The following CNTLN variants were observed in gnomAD, a reference collection of about 807,000 sequenced individuals.
The protein encoded by CNTLN is centlein, centrosomal protein.
Under a neutral mutation model 180.0 loss-of-function variants are expected in CNTLN, and 212 were observed. The ratio of observed to expected loss-of-function variants is 1.18; its 90% CI spans 1.05 to 1.32. The LOEUF (loss-of-function observed/expected upper bound fraction) is 1.32. Among genes scored for constraint, CNTLN ranks in the 40% most tolerant of loss-of-function variants. The probability of loss-of-function intolerance (pLI) is 0.00; values close to 1 mark genes in which losing one functional copy is unlikely to be tolerated. For missense variants in CNTLN, 2,095 were observed against 1,610.9 expected (o/e 1.30, Z -5.14); for synonymous variants, 722 against 563.1 (o/e 1.28, Z -3.99).
chr9:17,445,253 T>A (rs1830337062), intron 18 of CNTLN, among the ~76,000 whole-genome samples: 1 of 152,118 alleles, frequency 6.6e-6, no homozygotes, highest in South Asian at 2.1e-4. Flanking sequence ...AAATTTGTAA[T>A]GAGTTGTAGG....
At chr9:17,458,232 A>C (rs1831252919) in intron 19 of CNTLN, among the ~76,000 whole-genome samples, 1 of 151,842 alleles carries the variant, frequency 6.6e-6, no homozygotes, top group African/African-American at 2.4e-5. Context: ...AAAAAAAAAA[A>C]AAGAATCTAA....
downstream of CNTLN, among the ~76,000 whole-genome samples, chr9:17,505,989 A>G (rs1833926971): frequency 6.6e-6 from 1 of 152,048 alleles, no homozygotes; most frequent in South Asian, 2.1e-4. Flanking sequence ...AATATGCCCA[A>G]CTGATTTGAG....
chr9:17,309,696 G>C (rs1034560115), intron 8 of CNTLN, among the ~76,000 whole-genome samples: 7 of 151,982 alleles, frequency 4.6e-5, no homozygotes, highest in African/African-American at 1.7e-4. Flanking sequence ...GACAGGTCAT[G>C]TAACCTTTCT....
At chr9:17,209,066 G>A (rs1823111371) in intron 2 of CNTLN, among the ~76,000 whole-genome samples, 1 of 151,922 alleles carries the variant, frequency 6.6e-6, no homozygotes, top group Non-Finnish European at 1.5e-5. Flanking sequence ...TTTTGATGTA[G>A]GCGCTTATAA....
chr9:17,168,603 T>A (rs1820236550), intron 2 of CNTLN: 1 of 152,212 alleles, frequency 6.6e-6, no homozygotes, highest in African/African-American at 2.4e-5. Flanking sequence ...AATTTGACAG[T>A]TGCATATAAG....
intron 25 of CNTLN, among the ~76,000 whole-genome samples, chr9:17,492,151 A>G (rs554900882): frequency 6.6e-5 from 10 of 152,234 alleles, no homozygotes; most frequent in Non-Finnish European, 1.3e-4. Context: ...TTTCAATTTA[A>G]CAAAGTAAGC....
At chr9:17,451,216 A>G (rs554884041) in intron 18 of CNTLN, among the ~76,000 whole-genome samples, 1 of 152,296 alleles carries the variant, frequency 6.6e-6, no homozygotes, top group East Asian at 1.9e-4. Context: ...TCTTGCCTGT[A>G]GAATTTACAT....
intron 2 of CNTLN, among the ~76,000 whole-genome samples, chr9:17,215,117 A>G (rs1434156854): frequency 6.6e-6 from 1 of 152,174 alleles, no homozygotes; most frequent in Admixed American, 6.5e-5. Context: ...CCTTTGGAGG[A>G]GGAGAGGAGC....
chr9:17,265,857 T>G (rs536456983), intron 5 of CNTLN, among the ~76,000 whole-genome samples: 3 of 152,188 alleles, frequency 2.0e-5, no homozygotes, highest in Non-Finnish European at 4.4e-5. Flanking sequence ...TCATGGTTGT[T>G]TGTATTTCTG....
intron 18 of CNTLN, among the ~76,000 whole-genome samples, chr9:17,425,761 G>T (rs894951509): frequency 6.6e-6 from 1 of 152,112 alleles, no homozygotes; most frequent in Non-Finnish European, 1.5e-5. Flanking sequence ...ACCTTGGATT[G>T]GCTGAATTGT....
At position 17,222,597 on chromosome 9, in the gene CNTLN, T is replaced by C. The variant is rs557030697; in HGVS notation, c.450-3606T>C. On this transcript the variant is annotated intron_variant, in intron 2 of 25. Transcript: ENST00000380647. The stretch of plus-strand genomic sequence containing the variant: ...AAGTACCTTTCACCTCCTGCCATGA[T>C]TCTGAGGCCTCCCCAGCCATGTCGA... 2.7e-3 allele frequency among the ~76,000 whole-genome samples: 404 copies of C among 152,154 alleles called. 1 individual carries two copies. The highest frequency in any genetic ancestry group is 9.1e-3 in the African/African-American group (376 of 41,542).
At chr9:17,352,879 G>A (rs551662136) in intron 12 of CNTLN, among the ~76,000 whole-genome samples, 2 of 152,300 alleles carry the variant, frequency 1.3e-5, no homozygotes, top group South Asian at 2.1e-4. Context: ...ATTGAAGCCT[G>A]TGTCAAAAGT....
chr9:17,276,172 A>C (rs1828299341), intron 6 of CNTLN, among the ~76,000 whole-genome samples: 3 of 152,148 alleles, frequency 2.0e-5, no homozygotes, highest in African/African-American at 7.2e-5. Flanking sequence ...ACAGAGGAGA[A>C]GAATAATAGC....
At chr9:17,170,811 A>T (rs1204829644) in intron 2 of CNTLN, among the ~76,000 whole-genome samples, 4 of 152,008 alleles carry the variant, frequency 2.6e-5, no homozygotes, top group African/African-American at 9.7e-5. Flanking sequence ...ATGATGGACT[A>T]TATATCTGAT....
At chr9:17,257,746 C>T (rs1314432654) in intron 5 of CNTLN, among the ~76,000 whole-genome samples, 11 of 151,316 alleles carry the variant, frequency 7.3e-5, no homozygotes, top group Admixed American at 7.2e-4. Context: ...AGCATTTTTT[C>T]ATGTGTTTCT....
intron 2 of CNTLN, among the ~76,000 whole-genome samples, chr9:17,155,172 C>G (rs1732095708): frequency 6.6e-6 from 1 of 152,220 alleles, no homozygotes; most frequent in African/African-American, 2.4e-5. Context: ...GGAACAAACT[C>G]TGGACACACC....
chr9:17,432,002 G>A (rs141407343), intron 18 of CNTLN, among the ~76,000 whole-genome samples: 4 of 152,082 alleles, frequency 2.6e-5, no homozygotes, highest in Non-Finnish European at 5.9e-5. Flanking sequence ...TAGTAGAATT[G>A]CTGCCTTTTT....
chr9:17,290,625 GT>G (rs1220913744), intron 6 of CNTLN, among the ~76,000 whole-genome samples: 1 of 146,844 alleles, frequency 6.8e-6, no homozygotes, highest in East Asian at 2.0e-4. Flanking sequence ...CCGCCTTGCA[GT>G]TTGATCTCAG....
At chr9:17,494,682 A>G (rs955577328) in intron 25 of CNTLN, among the ~76,000 whole-genome samples, 3 of 152,070 alleles carry the variant, frequency 2.0e-5, no homozygotes, top group Non-Finnish European at 4.4e-5. Context: ...AAAAATTCTT[A>G]TCCACAAGTG....
Sources: gnomAD v4.1 joint callset for allele counts (sites outside exome capture counted in the v4.1 genomes callset) on GRCh38, gnomAD v4.1.1 for gene constraint, MANE v1.5 for transcripts, NCBI Gene and HGNC (gene_info 2026-07-23, HGNC 2026-07-21) for gene names.